FRYL: variants seen among roughly 807,000 people sequenced by gnomAD.
FRYL encodes protein furry homolog-like.
FRYL carries 150 observed loss-of-function variants against 351.2 expected under a neutral mutation model. The ratio of observed to expected loss-of-function variants is 0.43; its 90% CI spans 0.37 to 0.49. The LOEUF (loss-of-function observed/expected upper bound fraction) is 0.49, where lower values mean the gene tolerates loss of function less well. FRYL is among the 20% of genes least tolerant of loss of function. FRYL has a pLI of 0.00. For missense variants in FRYL, 3,036 were observed against 3,619.3 expected (o/e 0.84, Z 4.13); for synonymous variants, 1,153 against 1,257.1 (o/e 0.92, Z 1.75).
chr4:48,541,019 T>C, intron 45 of FRYL, 59 bp from the exon 46 acceptor site: 1 of 1,423,736 alleles, frequency 7.0e-7, no homozygotes, highest in Non-Finnish European at 9.3e-7. Context: ...GCTAAATTAA[T>C]TTTACTTCTG....
chr4:48,668,252 G>A (rs1171808511), intron 3 of FRYL, among the ~76,000 whole-genome samples: 4 of 152,066 alleles, frequency 2.6e-5, no homozygotes, highest in Non-Finnish European at 5.9e-5. Flanking sequence ...ACTAACTGCT[G>A]TTCTAGATTG....
chr4:48,778,979 C>T (rs1264495079), intron 1 of FRYL, among the ~76,000 whole-genome samples: 2 of 147,918 alleles, frequency 1.4e-5, no homozygotes, highest in Non-Finnish European at 3.0e-5. Flanking sequence ...AACTCTTGCT[C>T]CTCACCAGCA....
In FRYL at chr4:48,540,528, ACT is replaced by A; in HGVS notation, c.6118_6119del (p.Lys2043AspfsTer2). 1 of 1,613,980 alleles carries A rather than the reference ACT, an allele frequency of 6.2e-7. No homozygotes were observed. Among genetic ancestry groups the A allele is most frequent in the Non-Finnish European group, 8.5e-7 (1 of 1,179,936 alleles). The stretch of plus-strand genomic sequence containing the variant: ...TTTGTACATTTTCAATCTTCTCTCG[ACT>A]CTCTGATTTATCCAAAGGCAAATGG... ...LIHLPLDKSE[S>X]REKIENVQSK... is the part of the protein sequence containing the mutation. On this transcript the variant is annotated frameshift_variant, in exon 46 of 64. Transcript: ENST00000358350. LOFTEE classifies it high-confidence loss of function.
intron 13 of FRYL, among the ~76,000 whole-genome samples, chr4:48,600,921 T>A (rs572355491): frequency 2.6e-5 from 4 of 152,286 alleles, no homozygotes; most frequent in South Asian, 2.1e-4. Context: ...TAAATTCTCA[T>A]CCAAACATGA....
At chr4:48,545,783 G>A (rs1391609888) in intron 42 of FRYL, among the ~76,000 whole-genome samples, 1 of 152,084 alleles carries the variant, frequency 6.6e-6, no homozygotes, top group Non-Finnish European at 1.5e-5. Context: ...AATATTTGAT[G>A]ACTGAATGAT....
intron 3 of FRYL, chr4:48,681,207 C>T (rs1347023928): frequency 1.7e-5 from 9 of 530,244 alleles, no homozygotes; most frequent in Non-Finnish European, 2.4e-5. Context: ...AGTTCAGGTA[C>T]ACTATTTGTG....
At chr4:48,509,361 A>G (rs1721997387) in intron 59 of FRYL, among the ~76,000 whole-genome samples, 1 of 152,260 alleles carries the variant, frequency 6.6e-6, no homozygotes, top group African/African-American at 2.4e-5. Flanking sequence ...GGGCTCAAAT[A>G]TTAGTCATCA....
intron 1 of FRYL, among the ~76,000 whole-genome samples, chr4:48,764,079 A>C (rs1774695578): frequency 6.6e-6 from 1 of 152,152 alleles, no homozygotes; most frequent in Admixed American, 6.5e-5. Context: ...CTGAGGCAGG[A>C]GAATAGCTTG....
At position 48,757,530 on chromosome 4, in the gene FRYL, C is replaced by G. The variant is rs1481901608; in HGVS notation, c.-384+22548G>C. Reference sequence around the variant, plus strand: ...ATAAAATACCTAGGAATCCAACTTACAAGGGATGTGAAGGACCTCTTCAAG... The same window carrying G: ...ATAAAATACCTAGGAATCCAACTTAGAAGGGATGTGAAGGACCTCTTCAAG... On this transcript the variant is annotated intron_variant, in intron 1 of 63. Transcript: ENST00000358350. Among the ~76,000 whole-genome samples, 12 of 152,208 alleles carry G rather than the reference C, an allele frequency of 7.9e-5. No individual in the cohort carries two copies. The South Asian group carries it at 2.1e-3, about 26-fold the overall frequency.
chr4:48,693,038 T>C (rs1765815750), intron 2 of FRYL, among the ~76,000 whole-genome samples: 1 of 152,234 alleles, frequency 6.6e-6, no homozygotes, highest in Non-Finnish European at 1.5e-5. Flanking sequence ...ACTCCCCTAC[T>C]GACCTATGTG....
At chr4:48,708,227 C>T (rs1354037825) in intron 2 of FRYL, among the ~76,000 whole-genome samples, 3 of 151,480 alleles carry the variant, frequency 2.0e-5, no homozygotes, top group Non-Finnish European at 4.4e-5. Flanking sequence ...TGCAGTAAGC[C>T]GAGATTGAGC....
At chr4:48,561,225 G>C (rs1367925302) in intron 33 of FRYL, among the ~76,000 whole-genome samples, 1 of 151,618 alleles carries the variant, frequency 6.6e-6, no homozygotes, top group African/African-American at 2.4e-5. Flanking sequence ...TTTTCTTTTT[G>C]ATGGAGTAGG....
At chr4:48,610,501 A>G (rs960484608) in intron 7 of FRYL, among the ~76,000 whole-genome samples, 1 of 151,512 alleles carries the variant, frequency 6.6e-6, no homozygotes, top group African/African-American at 2.4e-5. Flanking sequence ...CAAATAATGT[A>G]TCTTTCCATG....
At chr4:48,563,609 T>C (rs917869062) in intron 31 of FRYL, among the ~76,000 whole-genome samples, 6 of 150,372 alleles carry the variant, frequency 4.0e-5, no homozygotes, top group Non-Finnish European at 7.4e-5. Flanking sequence ...ACTCGGGAGG[T>C]TGAGGTGGGA....
intron 11 of FRYL, among the ~76,000 whole-genome samples, chr4:48,603,714 A>G (rs1746141597): frequency 6.6e-6 from 1 of 152,172 alleles, no homozygotes; most frequent in South Asian, 2.1e-4. Context: ...TGCATCCAAC[A>G]TCTCTTAACA....
rs747889570 is a variant in FRYL, at chr4:48,540,429, T to C, written c.6219A>G (p.Gln2073=). The change falls in exon 46 of 64, where the codon CAA becomes CAG. Residue 2073 remains glutamine (Q), a synonymous_variant. Transcript: ENST00000358350. ...FLKGFTSAST[Q]EMTVHLLSKL... is the part of the protein sequence containing the mutation. ...TACTGAGGAGGTGCACGGTCATTTC[T>C]TGTGTAGATGCTGAGGTAAAACCCT... The C allele has an allele frequency of 1.2e-6, 2 of 1,614,032 alleles. No homozygotes were observed.
chr4:48,755,936 TAA>T (rs869261013), intron 1 of FRYL, among the ~76,000 whole-genome samples: 1 of 139,512 alleles, frequency 7.2e-6, no homozygotes, highest in African/African-American at 2.6e-5. Flanking sequence ...AAAATTCAAT[TAA>T]AAAAAAAAAA....
chr4:48,715,838 C>G (rs1768748198), intron 1 of FRYL, among the ~76,000 whole-genome samples: 2 of 152,212 alleles, frequency 1.3e-5, no homozygotes, highest in African/African-American at 2.4e-5. Context: ...GCTGAAAGAA[C>G]AAAGCTGGAG....
chr4:48,605,452 A>C (rs1267680325), intron 11 of FRYL, among the ~76,000 whole-genome samples: 2 of 152,224 alleles, frequency 1.3e-5, no homozygotes, highest in African/African-American at 2.4e-5. Context: ...AATTAGAATA[A>C]AATCTGAACA....
Sources: gnomAD v4.1 joint callset for allele counts (sites outside exome capture counted in the v4.1 genomes callset) on GRCh38, gnomAD v4.1.1 for gene constraint, MANE v1.5 for transcripts, NCBI Gene and HGNC (gene_info 2026-07-23, HGNC 2026-07-21) for gene names.